ENTPD2: variants seen among roughly 807,000 people sequenced by gnomAD.
The protein encoded by ENTPD2 is ectonucleoside triphosphate diphosphohydrolase 2.
In ENTPD2, 48 loss-of-function variants were observed where a neutral mutation model predicts 46.8. That is an observed-to-expected ratio of 1.03 (90% CI 0.81 to 1.30). The LOEUF (loss-of-function observed/expected upper bound fraction) is 1.30. Ranked by LOEUF, ENTPD2 falls within the 50% of genes most tolerant of loss-of-function variation. The probability of loss-of-function intolerance (pLI) is 0.00; values close to 1 mark genes in which losing one functional copy is unlikely to be tolerated. For missense variants in ENTPD2, 707 were observed against 651.1 expected (o/e 1.09, Z -0.93); for synonymous variants, 316 against 286.1 (o/e 1.10, Z -1.06).
At chr9:137,051,793 C>A in intron 2 of ENTPD2, 133 bp from the exon 3 acceptor site, 1 of 1,339,928 alleles carries the variant, frequency 7.5e-7, no homozygotes. Context: ...GCTTAAGCCC[C>A]CAGAAACGCC....
At position 137,053,933 on chromosome 9, in the gene ENTPD2, A is replaced by C. The variant is rs1052964674; in HGVS notation, c.65T>G (p.Leu22Arg). The C allele has an allele frequency of 2.0e-5, 24 of 1,216,080 alleles. No individual in the cohort carries two copies. In the African/African-American group the frequency reaches 3.4e-4, roughly 17 times the overall value. The allele number at this position is 1,216,080 out of a possible 1,614,324, so 75.3% of individuals were successfully genotyped here. A position where few individuals can be genotyped will look rare whatever the true frequency, so the allele number is the denominator to read the frequency against. ...LLLAAAGLAG[L>R]LLLCVPTRDV... Reference sequence around the variant, plus strand: ...GCGGGTGGGGACGCACAGCAGTAGGAGGCCGGCGAGGCCCGCGGCGGCCAG... The same window carrying C: ...GCGGGTGGGGACGCACAGCAGTAGGCGGCCGGCGAGGCCCGCGGCGGCCAG... The change falls in exon 1 of 9, where the codon CTC (leucine) becomes CGC (arginine). Residue 22 changes from leucine to arginine, a missense_variant. Physicochemically the swap from Leu to Arg is moderately radical, Grantham distance 102. Coordinates refer to ENST00000355097, the MANE Select transcript of ENTPD2 (RefSeq NM_203468.3).
At chr9:137,050,812 C>T in intron 5 of ENTPD2, 90 bp downstream of exon 5, 1 of 1,466,390 alleles carries the variant, frequency 6.8e-7, no homozygotes, top group Non-Finnish European at 9.3e-7. Flanking sequence ...TAAAGCCCAG[C>T]CTGGAGAAGC....
At chr9:137,051,471 G>A (rs375469453) in intron 3 of ENTPD2, 39 bp downstream of exon 3, 2 of 1,557,426 alleles carry the variant, frequency 1.3e-6, no homozygotes, top group Non-Finnish European at 1.7e-6. Context: ...ACAGCCAAAG[G>A]CCATCATGGG....
Position 137,048,977 on chromosome 9 carries a change from G to GCTCA in ENTPD2, c.1247_1248insTGAG (p.Phe420ArgfsTer220). 6.5e-7 allele frequency: 1 copy of GCTCA among 1,534,320 alleles called. No homozygotes were observed. Among genetic ancestry groups the GCTCA allele is most frequent in the Non-Finnish European group, 8.7e-7 (1 of 1,143,628 alleles). ...AGATCACGCCGCCGAAGGCGCGCTC[G>GCTCA]TCGAAGCCGTAGCCGCGACTCAGCA... On this transcript the variant is annotated frameshift_variant, in exon 8 of 9. Coordinates refer to ENST00000355097, the MANE Select transcript of ENTPD2 (RefSeq NM_203468.3). LOFTEE classifies it low-confidence loss of function (END_TRUNC).
rs1262343141 is a variant in ENTPD2, at chr9:137,048,934, A to G, written c.1284+7T>C. The G allele has an allele frequency of 1.4e-5, 11 of 770,462 alleles. No homozygotes were observed. The highest frequency in any genetic ancestry group is 1.9e-5 in the Non-Finnish European group (10 of 518,842). The allele number at this position is 770,462 out of a possible 1,614,324, so 47.7% of individuals were successfully genotyped here. On this transcript the variant is annotated splice_region_variant and intron_variant, in intron 8 of 8. Transcript: ENST00000355097. ...GGTCGGCCCCGCCCCGCCCCGCCCCAGCCCACCTTCTTCTGGAAGATCACG... is the reference window on the plus strand; with the variant it reads ...GGTCGGCCCCGCCCCGCCCCGCCCCGGCCCACCTTCTTCTGGAAGATCACG...
chr9:137,049,341 G>A, intron 7 of ENTPD2: 1 of 686,336 alleles, frequency 1.5e-6, no homozygotes, highest in Middle Eastern at 2.5e-4. Context: ...CCAGGGAGCA[G>A]GAGGCAGCAA....
Position 137,054,009 on chromosome 9 carries a change from C to G in ENTPD2, c.-12G>C. On this transcript the variant is annotated 5_prime_UTR_variant, in exon 1 of 9. Transcript: ENST00000355097. ...ACCTTCCCGGCCATGGGCGGGCGGG[C>G]GCGCGGGAGGACGATGCGTGGACCC... is the stretch of plus-strand genomic sequence containing the variant. 1 of 1,208,630 alleles carries G rather than the reference C, an allele frequency of 8.3e-7. No individual in the cohort carries two copies. The highest frequency in any genetic ancestry group is 1.0e-6 in the Non-Finnish European group (1 of 972,548). The allele number at this position is 1,208,630 out of a possible 1,614,324, so 74.9% of individuals were successfully genotyped here.
Position 137,052,451 on chromosome 9 carries a change from C to CG in ENTPD2, c.118-104_118-103insC, listed in dbSNP as rs1449344375. 1.2e-4 allele frequency: 107 copies of CG among 868,378 alleles called. 1 individual carries two copies. Among genetic ancestry groups the CG allele is most frequent in the South Asian group, 1.0e-3 (65 of 64,960 alleles). 53.8% of individuals were successfully genotyped at this position (868,378 alleles called of 1,614,324 possible). On this transcript the variant is annotated intron_variant, in intron 1 of 8. Transcript: ENST00000355097. The stretch of plus-strand genomic sequence containing the variant: ...CCTCCAGTTTGCCACCGCTCCCCCC[C>CG]CCACCCAGTCATGTGCCAAGCCTCA...
At chr9:137,049,708 A>C (rs1035608199) in intron 7 of ENTPD2, 162 bp downstream of exon 7, 1 of 795,306 alleles carries the variant, frequency 1.3e-6, no homozygotes, top group Non-Finnish European at 1.9e-6. Context: ...TTCACAGCCT[A>C]CCGGCCACAG....
intron 5 of ENTPD2, 96 bp downstream of exon 5, chr9:137,050,806 G>A: frequency 6.9e-7 from 1 of 1,444,864 alleles, no homozygotes; most frequent in Non-Finnish European, 9.4e-7. Flanking sequence ...GCCAATTAAA[G>A]CCCAGCCTGG....
In ENTPD2 at chr9:137,049,850, G is replaced by A. The variant is rs1259369788; in HGVS notation, c.1149+20C>T. 5 of 1,604,498 alleles carry A rather than the reference G, an allele frequency of 3.1e-6. No homozygotes were observed. Among genetic ancestry groups the A allele is most frequent in the East Asian group, 4.5e-5 (2 of 44,784 alleles). On this transcript the variant is annotated intron_variant, in intron 7 of 8. Transcript: ENST00000355097. ...CTGAGCCCTTCCGCACAGCCCTGAA[G>A]GAGTGGGAGCGGGGCTCACCTGAGC...
chr9:137,051,706 T>G, intron 2 of ENTPD2, 46 bp from the exon 3 acceptor site: 2 of 1,547,550 alleles, frequency 1.3e-6, no homozygotes, highest in Non-Finnish European at 8.7e-7. Flanking sequence ...GGGCAGCCCC[T>G]AGGTGGGCCG....
At position 137,050,425 on chromosome 9, in the gene ENTPD2, A is replaced by C. The variant is rs763813336; in HGVS notation, c.888T>G (p.Ser296Arg). 6.2e-7 allele frequency: 1 copy of C among 1,612,836 alleles called. No individual in the cohort carries two copies. Among genetic ancestry groups the C allele is most frequent in the Non-Finnish European group, 8.5e-7 (1 of 1,180,016 alleles). ...TGCTCCCTGACAGGCTGACCCTGGCACTGCTGTTGAAGTTCTGGGGCCGCT... is the reference window on the plus strand; with the variant it reads ...TGCTCCCTGACAGGCTGACCCTGGCCCTGCTGTTGAAGTTCTGGGGCCGCT... Reference protein sequence around the residue: ...MAQRPQNFNSSARVSLSGSSD... With the variant: ...MAQRPQNFNSRARVSLSGSSD... The change falls in exon 6 of 9, where the codon AGT becomes AGG. Residue 296 changes from serine (S) to arginine (R), a missense_variant. Coordinates refer to ENST00000355097, the MANE Select transcript of ENTPD2 (RefSeq NM_203468.3).
chr9:137,050,576 C>CTTTGTGG, intron 5 of ENTPD2, 38 bp from the exon 6 acceptor site: 1 of 1,600,762 alleles, frequency 6.2e-7, no homozygotes, highest in Non-Finnish European at 8.5e-7. Context: ...GGCACCACCA[C>CTTTGTGG]CGCTCCAGAG....
rs751245390 is a variant in ENTPD2, at chr9:137,051,080, G to A, written c.596C>T (p.Ala199Val). Reference sequence around the variant, plus strand: ...GGTAGAGGCACCCCCCAGGTCCATGGCCCCCAGTGTCCCCTTCCGTGGCCG... The same window carrying A: ...GGTAGAGGCACCCCCCAGGTCCATGACCCCCAGTGTCCCCTTCCGTGGCCG... ...WFRPRKGTLG[A>V]MDLGGASTQI... The change falls in exon 5 of 9, where the codon GCC (alanine) becomes GTC (valine). Residue 199 changes from alanine (A) to valine (V), a missense_variant. Ala to Val is a moderately conservative substitution (Grantham distance 64). Transcript: ENST00000355097. 1 of 1,612,800 alleles carries A rather than the reference G, an allele frequency of 6.2e-7. No homozygotes were observed. Among genetic ancestry groups the A allele is most frequent in the Non-Finnish European group, 8.5e-7 (1 of 1,179,996 alleles).
At position 137,051,068 on chromosome 9, in the gene ENTPD2, C is replaced by T. The variant is rs776802560; in HGVS notation, c.608G>A (p.Gly203Glu). ...RKGTLGAMDL[G>E]GASTQITFET... Reference sequence around the variant, plus strand: ...AAAAGTGATCTGGGTAGAGGCACCCCCCAGGTCCATGGCCCCCAGTGTCCC... The same window carrying T: ...AAAAGTGATCTGGGTAGAGGCACCCTCCAGGTCCATGGCCCCCAGTGTCCC... Residue 203 changes from glycine (G) to glutamate (E), a missense_variant, in exon 5 of 9, where the codon GGG becomes GAG. By Grantham distance (98) the Gly-to-Glu change is moderately conservative. Coordinates refer to ENST00000355097, the MANE Select transcript of ENTPD2 (RefSeq NM_203468.3). The T allele has an allele frequency of 3.1e-6, 5 of 1,612,860 alleles. No homozygotes were observed. The South Asian group carries it at 5.5e-5, about 18-fold the overall frequency.
At chr9:137,049,114 CAGG>C in intron 7 of ENTPD2, 39 bp from the exon 8 acceptor site, 1 of 1,531,624 alleles carries the variant, frequency 6.5e-7, no homozygotes, top group Non-Finnish European at 8.7e-7. Flanking sequence ...AGGCGACCAC[CAGG>C]AGGTCTCGGC....
At chr9:137,051,689 G>A in intron 2 of ENTPD2, 29 bp from the exon 3 acceptor site, 2 of 1,583,968 alleles carry the variant, frequency 1.3e-6, no homozygotes, top group South Asian at 1.1e-5. Flanking sequence ...ATGAGCCTAT[G>A]CCTCACGGGC....
chr9:137,053,734 G>C, intron 1 of ENTPD2, 147 bp downstream of exon 1: 1 of 480,512 alleles, frequency 2.1e-6, no homozygotes, highest in Non-Finnish European at 3.2e-6. Flanking sequence ...GCAGAGCGCG[G>C]AACCCGGGAC....
Sources: allele counts gnomAD v4.1 joint callset, GRCh38; gene constraint gnomAD v4.1.1; transcripts MANE v1.5; gene names NCBI Gene and HGNC (gene_info 2026-07-23, HGNC 2026-07-21).